LONRF1: variants seen among roughly 807,000 people sequenced by gnomAD.
LONRF1 encodes LON peptidase N-terminal domain and ring finger 1, also known as LON peptidase N-terminal domain and RING finger protein 1.
A neutral mutation model predicts 85.8 loss-of-function variants in LONRF1; 37 were observed. The ratio of observed to expected loss-of-function variants is 0.43; its 90% CI spans 0.33 to 0.57. The LOEUF (loss-of-function observed/expected upper bound fraction) is 0.57, where lower values mean the gene tolerates loss of function less well. LONRF1 is among the 20% of genes least tolerant of loss of function. The pLI, the probability that LONRF1 is intolerant of heterozygous loss-of-function variation, is 0.04. For missense variants in LONRF1, 1,036 were observed against 978.0 expected, an observed-to-expected ratio of 1.06 and a Z score of -0.79; for synonymous variants, 517 against 390.1, an observed-to-expected ratio of 1.33 and a Z score of -3.83.
chr8:12,745,547 AAG>A (rs1455034984), intron 1 of LONRF1, among the ~76,000 whole-genome samples: 1 of 152,170 alleles, frequency 6.6e-6, no homozygotes, highest in Non-Finnish European at 1.5e-5. Context: ...TTAAGTTTGA[AAG>A]AGTCAACAAG....
chr8:12,741,391 C>CAA (rs990864169), intron 2 of LONRF1, among the ~76,000 whole-genome samples: 1 of 151,812 alleles, frequency 6.6e-6, no homozygotes, highest in Non-Finnish European at 1.5e-5. Context: ...CTCAAACAAA[C>CAA]AAAAAAAGGA....
At chr8:12,729,383 C>G (rs369014691) in intron 8 of LONRF1, 51 bp from the exon 9 acceptor site, 3 of 1,551,384 alleles carry the variant, frequency 1.9e-6, no homozygotes, top group Non-Finnish European at 2.7e-6. Context: ...AAAATATTAC[C>G]GAACACATAC....
rs1391526622 is a variant in LONRF1, at chr8:12,754,773, G to A, written c.648C>T (p.Gly216=). Residue 216 remains glycine (G), a synonymous_variant, in exon 1 of 12, where the codon GGC becomes GGT. Transcript: ENST00000398246. ...PGQRERARAA[G]RLGELLHQGR... ...CCTGGTGCAGTAGCTCCCCGAGCCT[G>A]CCGGCCGCCCGGGCCCGCTCGCGCT... 1 of 1,472,490 alleles carries A rather than the reference G, an allele frequency of 6.8e-7. No homozygotes were observed. Among genetic ancestry groups the A allele is most frequent in the Non-Finnish European group, 8.9e-7 (1 of 1,120,238 alleles). 91.2% of individuals were successfully genotyped at this position (1,472,490 alleles called of 1,614,324 possible). A position where few individuals can be genotyped will look rare whatever the true frequency, so the allele number is the denominator to read the frequency against.
chr8:12,748,939 A>G (rs1277041547), intron 1 of LONRF1, among the ~76,000 whole-genome samples: 2 of 151,946 alleles, frequency 1.3e-5, no homozygotes, highest in Non-Finnish European at 2.9e-5. Flanking sequence ...GGAGTTTGGG[A>G]TAGTAAGATC....
Position 12,751,524 on chromosome 8 carries a change from C to A in LONRF1, c.721+3176G>T, listed in dbSNP as rs58720943. On this transcript the variant is annotated intron_variant, in intron 1 of 11. Transcript: ENST00000398246. ...TTCACCATGTTGGCCAGGCTGGTCT[C>A]GAACTCCTGGCCTCATGCGATCCGC... 3.9e-3 allele frequency among the ~76,000 whole-genome samples: 595 copies of A among 151,152 alleles called. 11 individuals are homozygous for A. The highest frequency in any genetic ancestry group is 0.03 in the East Asian group (153 of 5,158).
At position 12,731,767 on chromosome 8, in the gene LONRF1, T is replaced by C. The variant is rs201151699; in HGVS notation, c.1657A>G (p.Ile553Val). 1 of 1,608,254 alleles carries C rather than the reference T, an allele frequency of 6.2e-7. No individual in the cohort carries two copies. The highest frequency in any genetic ancestry group is 1.3e-5 in the African/African-American group (1 of 74,756). ...LPDELSERKK[I>V]YDEETAELSH... The stretch of plus-strand genomic sequence containing the variant: ...AGTTCAGCAGTTTCTTCATCATATA[T>C]TTTTTTTCTCTCAGACAGTTCATCA... The change falls in exon 8 of 12, where the codon ATA becomes GTA. Residue 553 changes from isoleucine to valine, a missense_variant. Ile to Val is a conservative substitution (Grantham distance 29, BLOSUM62 3). Transcript: ENST00000398246.
Position 12,725,709 on chromosome 8 carries a change from A to G in LONRF1, c.2163+18T>C. 1.1e-5 allele frequency: 18 copies of G among 1,594,946 alleles called. No individual in the cohort carries two copies. Among genetic ancestry groups the G allele is most frequent in the Non-Finnish European group, 1.5e-5 (18 of 1,167,804 alleles). ...TTATAAAAAAGTGACTTTTGGAAGA[A>G]CAGAAAAGCCACCATACCTGAAGGT... On this transcript the variant is annotated intron_variant, in intron 11 of 11. Coordinates refer to ENST00000398246, the MANE Select transcript of LONRF1 (RefSeq NM_152271.5).
At chr8:12,750,853 C>G (rs1390746916) in intron 1 of LONRF1, among the ~76,000 whole-genome samples, 4 of 152,188 alleles carry the variant, frequency 2.6e-5, no homozygotes, top group Non-Finnish European at 2.9e-5. Context: ...TTAGATTCCA[C>G]TTTCAGCAAA....
intron 11 of LONRF1, 135 bp from the exon 12 acceptor site, chr8:12,723,389 T>C: frequency 1.4e-6 from 1 of 710,714 alleles, no homozygotes; most frequent in Non-Finnish European, 2.2e-6. Flanking sequence ...CCTTAACAAT[T>C]ATGCAAAGTA....
At chr8:12,738,385 T>A (rs941664103) in intron 3 of LONRF1, among the ~76,000 whole-genome samples, 1 of 152,112 alleles carries the variant, frequency 6.6e-6, no homozygotes, top group Non-Finnish European at 1.5e-5. Context: ...AGCATGGGAG[T>A]AGTAAGACTC....
At chr8:12,741,310 G>C (rs928080256) in intron 2 of LONRF1, among the ~76,000 whole-genome samples, 1 of 152,182 alleles carries the variant, frequency 6.6e-6, no homozygotes, top group African/African-American at 2.4e-5. Flanking sequence ...CTTGAATATG[G>C]GAGGTGGAGG....
intron 4 of LONRF1, 109 bp downstream of exon 4, chr8:12,737,886 G>C (rs1798782301): frequency 8.7e-7 from 1 of 1,150,572 alleles, no homozygotes; most frequent in Non-Finnish European, 1.2e-6. Flanking sequence ...AACTAACCAG[G>C]TTAAAAGTAC....
chr8:12,748,864 CA>C (rs1238912196), intron 1 of LONRF1, among the ~76,000 whole-genome samples: 1 of 147,414 alleles, frequency 6.8e-6, no homozygotes, highest in Non-Finnish European at 1.5e-5. Flanking sequence ...ACTTGGTTAC[CA>C]GGGTTGAGCT....
chr8:12,734,551 G>C (rs974351887), intron 7 of LONRF1, among the ~76,000 whole-genome samples: 1 of 152,086 alleles, frequency 6.6e-6, no homozygotes, highest in Non-Finnish European at 1.5e-5. Context: ...ATGATTAAGA[G>C]GGTGCTCTCT....
Position 12,738,118 on chromosome 8 carries a change from T to C in LONRF1, c.990A>G (p.Glu330=). 1.9e-6 allele frequency: 3 copies of C among 1,586,754 alleles called. No individual in the cohort carries two copies. The highest frequency in any genetic ancestry group is 1.7e-5 in the Admixed American group (1 of 58,178). ...ATTCCTTCAGGCCTTCTTTTAAGTT[T>C]TCAGGTAATAATAAATCACATAAAA... The part of the protein sequence containing the change: ...QKILCDLLLP[E]NLKEGLKESS... The change falls in exon 4 of 12, where the codon GAA becomes GAG. Residue 330 remains glutamate (E), a synonymous_variant. Transcript: ENST00000398246.
intron 8 of LONRF1, among the ~76,000 whole-genome samples, chr8:12,730,013 T>G (rs1400516403): frequency 6.6e-6 from 1 of 152,204 alleles, no homozygotes. Flanking sequence ...AAACCTTACG[T>G]TGTTGGCAGG....
At position 12,755,246 on chromosome 8, in the gene LONRF1, C is replaced by CCAGCAGCTCCCCGCGGCGGAG. The variant is rs1339560120; in HGVS notation, c.154_174dup (p.Leu52_Leu58dup). ...GCGCCCTTCAGGTGGCCGCCCAGCG[C>CCAGCAGCTCCCCGCGGCGGAG]CAGCAGCTCCCCGCGGCGGAGCAGC... On this transcript the variant is annotated inframe_insertion, in exon 1 of 12. Transcript: ENST00000398246. The CCAGCAGCTCCCCGCGGCGGAG allele has an allele frequency of 2.3e-5, 28 of 1,235,572 alleles. No homozygotes were observed. The highest frequency in any genetic ancestry group is 6.0e-6 in the Non-Finnish European group (6 of 992,034). The allele number at this position is 1,235,572 out of a possible 1,614,324, so 76.5% of individuals were successfully genotyped here.
Position 12,735,378 on chromosome 8 carries a change from T to A in LONRF1, c.1474A>T (p.Thr492Ser), listed in dbSNP as rs1419488358. The A allele has an allele frequency of 6.2e-7, 1 of 1,603,632 alleles. No individual in the cohort carries two copies. Residue 492 changes from threonine to serine, a missense_variant, in exon 7 of 12, where the codon ACC (threonine) becomes TCC (serine). Thr to Ser is a moderately conservative substitution (Grantham distance 58). Transcript: ENST00000398246. Reference protein sequence around the residue: ...CMRLFFEPVTTPCGHSFCKNC... With the variant: ...CMRLFFEPVTSPCGHSFCKNC... ...TTACAGAACGAATGTCCGCAAGGGG[T>A]TGTTACTGGCTCAAAAAACAACCTG...
chr8:12,743,117 A>G (rs771457942), intron 2 of LONRF1, 47 bp downstream of exon 2: 48 of 1,226,000 alleles, frequency 3.9e-5, no homozygotes, highest in Non-Finnish European at 5.3e-5. Context: ...CATGTCCCTT[A>G]TAGTTAAAAT....
Sources: allele counts gnomAD v4.1 joint callset (sites outside exome capture counted in the v4.1 genomes callset), GRCh38; gene constraint gnomAD v4.1.1; transcripts MANE v1.5; gene names NCBI Gene and HGNC (gene_info 2026-07-23, HGNC 2026-07-21).